PITPNC1: variants seen among roughly 807,000 people sequenced by gnomAD.
PITPNC1 encodes phosphatidylinositol transfer protein cytoplasmic 1, also known as cytoplasmic phosphatidylinositol transfer protein 1.
Under a neutral mutation model 44.7 loss-of-function variants are expected in PITPNC1, and 18 were observed. The ratio of observed to expected loss-of-function variants is 0.40; its 90% CI spans 0.28 to 0.60. The LOEUF (loss-of-function observed/expected upper bound fraction) is 0.60. PITPNC1 is among the 20% of genes least tolerant of loss of function. The pLI, the probability that PITPNC1 is intolerant of heterozygous loss-of-function variation, is 0.39. For missense variants in PITPNC1, 290 were observed against 418.4 expected, an observed-to-expected ratio of 0.69 and a Z score of 2.68; for synonymous variants, 141 against 149.6, an observed-to-expected ratio of 0.94 and a Z score of 0.42.
chr17:67,487,661 G>A (rs937640978), intron 1 of PITPNC1, among the ~76,000 whole-genome samples: 3 of 152,180 alleles, frequency 2.0e-5, no homozygotes, highest in Admixed American at 6.6e-5. Flanking sequence ...AAGAAAGGGG[G>A]AAAGTTTAAG....
chr17:67,572,663 C>T (rs1329159313), intron 4 of PITPNC1, among the ~76,000 whole-genome samples: 1 of 150,800 alleles, frequency 6.6e-6, no homozygotes, highest in Non-Finnish European at 1.5e-5. Flanking sequence ...ATGCTGCCAG[C>T]ATGCATGGGA....
intron 1 of PITPNC1, among the ~76,000 whole-genome samples, chr17:67,528,176 G>A (rs2040414598): frequency 6.6e-6 from 1 of 152,084 alleles, no homozygotes; most frequent in African/African-American, 2.4e-5. Context: ...CGATTAGCTG[G>A]GATTACAGGC....
intron 1 of PITPNC1, among the ~76,000 whole-genome samples, chr17:67,528,994 T>C (rs942835810): frequency 6.6e-6 from 1 of 152,072 alleles, no homozygotes; most frequent in Non-Finnish European, 1.5e-5. Context: ...GGGGAAGAAG[T>C]GACGGCTGCA....
At chr17:67,482,483 T>C (rs1022992190) in intron 1 of PITPNC1, among the ~76,000 whole-genome samples, 4 of 152,214 alleles carry the variant, frequency 2.6e-5, no homozygotes, top group Non-Finnish European at 5.9e-5. Flanking sequence ...TCTTCAACTC[T>C]GGAGTTTAGG....
chr17:67,402,858 A>G (rs762740434), intron 1 of PITPNC1, among the ~76,000 whole-genome samples: 5 of 151,958 alleles, frequency 3.3e-5, no homozygotes, highest in African/African-American at 7.3e-5. Flanking sequence ...GTAGAGACAG[A>G]GTTTCACCAT....
intron 6 of PITPNC1, among the ~76,000 whole-genome samples, chr17:67,667,852 T>C (rs1357457195): frequency 6.6e-6 from 1 of 151,748 alleles, no homozygotes; most frequent in East Asian, 1.9e-4. Context: ...TGGTGGCGGG[T>C]GCCTGTGATC....
At chr17:67,384,075 C>T (rs2038005406) in intron 1 of PITPNC1, among the ~76,000 whole-genome samples, 1 of 151,890 alleles carries the variant, frequency 6.6e-6, no homozygotes, top group African/African-American at 2.4e-5. Flanking sequence ...AACCAAAAAC[C>T]AGTTCTTGTT....
At chr17:67,677,671 G>A (rs373519252) in intron 8 of PITPNC1, among the ~76,000 whole-genome samples, 53 of 151,804 alleles carry the variant, frequency 3.5e-4, no homozygotes, top group African/African-American at 1.2e-3. Context: ...AGGTTCAAGC[G>A]ATTCTCCTTG....
At chr17:67,396,354 T>C (rs931249550) in intron 1 of PITPNC1, among the ~76,000 whole-genome samples, 4 of 152,170 alleles carry the variant, frequency 2.6e-5, no homozygotes, top group South Asian at 2.1e-4. Flanking sequence ...AACCATCTTA[T>C]TTTTTATTTT....
intron 1 of PITPNC1, among the ~76,000 whole-genome samples, chr17:67,400,571 A>G (rs1338692696): frequency 6.6e-6 from 1 of 152,050 alleles, no homozygotes; most frequent in East Asian, 1.9e-4. Context: ...TCCTCTTTCA[A>G]GTAGTGCCGT....
intron 1 of PITPNC1, among the ~76,000 whole-genome samples, chr17:67,447,689 G>A (rs994102007): frequency 6.7e-6 from 1 of 149,880 alleles, no homozygotes; most frequent in Non-Finnish European, 1.5e-5. Flanking sequence ...TTGGTGCCTC[G>A]GACATGGTGC....
At chr17:67,671,627 T>C (rs1021518253) in intron 7 of PITPNC1, among the ~76,000 whole-genome samples, 2 of 152,178 alleles carry the variant, frequency 1.3e-5, no homozygotes, top group Non-Finnish European at 2.9e-5. Context: ...ATGAGAGCCC[T>C]GGGTGTTTTC....
chr17:67,462,891 G>C (rs928655837), intron 1 of PITPNC1, among the ~76,000 whole-genome samples: 1 of 151,954 alleles, frequency 6.6e-6, no homozygotes, highest in East Asian at 1.9e-4. Flanking sequence ...TAGTAGAGGC[G>C]GGGTTTCTGC....
chr17:67,533,582 T>C (rs927734488), intron 2 of PITPNC1, among the ~76,000 whole-genome samples: 11 of 152,214 alleles, frequency 7.2e-5, no homozygotes, highest in African/African-American at 2.2e-4. Context: ...GTGCTGCCTA[T>C]ATGCTGTGGA....
intron 1 of PITPNC1, among the ~76,000 whole-genome samples, chr17:67,387,016 A>G (rs1324095671): frequency 2.6e-5 from 4 of 152,240 alleles, no homozygotes; most frequent in Non-Finnish European, 5.9e-5. Context: ...AAAACGGACA[A>G]ACCAATCGTA....
At chr17:67,596,773 T>C (rs1221478223) in intron 5 of PITPNC1, among the ~76,000 whole-genome samples, 1 of 152,200 alleles carries the variant, frequency 6.6e-6, no homozygotes, top group Non-Finnish European at 1.5e-5. Flanking sequence ...AGACTGATTG[T>C]TCCCTTGGGT....
At chr17:67,378,473 G>C (rs1184795544) in intron 1 of PITPNC1, among the ~76,000 whole-genome samples, 2 of 152,096 alleles carry the variant, frequency 1.3e-5, no homozygotes, top group Non-Finnish European at 2.9e-5. Context: ...GAGCCAAAGG[G>C]AGTGGGTGCG....
chr17:67,386,787 A>G (rs1422729127), intron 1 of PITPNC1, among the ~76,000 whole-genome samples: 1 of 152,112 alleles, frequency 6.6e-6, no homozygotes, highest in Non-Finnish European at 1.5e-5. Flanking sequence ...CAAGTCTGAA[A>G]ACTAGGTAAC....
At position 67,625,510 on chromosome 17, in the gene PITPNC1, T is replaced by C. The variant is rs951381506; in HGVS notation, c.367-6633T>C. 3.3e-5 allele frequency among the ~76,000 whole-genome samples: 5 copies of C among 152,150 alleles called. No individual in the cohort carries two copies. In the East Asian group the frequency reaches 5.8e-4, roughly 18 times the overall value. The stretch of plus-strand genomic sequence containing the variant: ...CATTGCTGTGGCTGAGTGTTTTCCT[T>C]TGGGGCCCGGTGAAGCCACTGCTTG... On this transcript the variant is annotated intron_variant, in intron 5 of 8. Transcript: ENST00000581322.
Sources: gnomAD v4.1 joint callset for allele counts (sites outside exome capture counted in the v4.1 genomes callset) on GRCh38, gnomAD v4.1.1 for gene constraint, MANE v1.5 for transcripts, NCBI Gene and HGNC (gene_info 2026-07-23, HGNC 2026-07-21) for gene names.